CERT1: variants seen among roughly 807,000 people sequenced by gnomAD.
CERT1 encodes ceramide transfer protein.
CERT1 carries 31 observed loss-of-function variants against 87.9 expected under a neutral mutation model. The observed-to-expected ratio is 0.35, with a 90% CI of 0.27 to 0.48. CERT1 has a LOEUF of 0.48. Ranked by LOEUF, CERT1 falls within the 20% of genes least tolerant of loss-of-function variation. The probability of loss-of-function intolerance (pLI) is 0.99; values close to 1 mark genes in which losing one functional copy is unlikely to be tolerated. For synonymous variants in CERT1, 289 were observed against 250.9 expected, an observed-to-expected ratio of 1.15 and a Z score of -1.44; for missense variants, 487 against 758.0, an observed-to-expected ratio of 0.64 and a Z score of 4.20.
At position 75,368,917 on chromosome 5, in the gene CERT1, CT is replaced by C. The variant is rs34199671; in HGVS notation, c.*10-260del. The C allele has an allele frequency of 4.8e-3, 706 of 145,952 alleles. 8 individuals carry two copies. The highest frequency in any genetic ancestry group is 0.029 in the East Asian group (148 of 5,018). The allele number at this position is 145,952 out of a possible 1,614,324, so 9.0% of individuals were successfully genotyped here. ...AGTTGAAAATAACGTAAGTTGAAAA[CT>C]TTTTTTTTTTTGGAGACAGAGTCTT... On this transcript the variant is annotated intron_variant, in intron 17 of 17. Transcript: ENST00000261415.
chr5:75,396,296 A>G (rs191092530), intron 11 of CERT1, among the ~76,000 whole-genome samples: 33 of 152,352 alleles, frequency 2.2e-4, no homozygotes, highest in Middle Eastern at 3.4e-3. Flanking sequence ...TGCTTATATA[A>G]TATTTTGGCA....
At chr5:75,455,943 C>T (rs1183539190) in intron 3 of CERT1, among the ~76,000 whole-genome samples, 2 of 152,154 alleles carry the variant, frequency 1.3e-5, no homozygotes, top group Non-Finnish European at 2.9e-5. Context: ...ACACATAAAG[C>T]ACTTAATACA....
chr5:75,460,434 C>T (rs987788064), intron 2 of CERT1, among the ~76,000 whole-genome samples: 2 of 152,120 alleles, frequency 1.3e-5, no homozygotes, highest in African/African-American at 4.8e-5. Flanking sequence ...AAGGTGTAAA[C>T]ATTTAGTGAA....
chr5:75,388,021 AC>A (rs1284499974), intron 12 of CERT1, among the ~76,000 whole-genome samples: 1 of 152,160 alleles, frequency 6.6e-6, no homozygotes, highest in Non-Finnish European at 1.5e-5. Flanking sequence ...CTGAACGATG[AC>A]TACAGAAGAA....
intron 2 of CERT1, among the ~76,000 whole-genome samples, chr5:75,486,188 G>A (rs1432222532): frequency 2.6e-5 from 4 of 152,124 alleles, no homozygotes; most frequent in African/African-American, 7.2e-5. Context: ...GGGATGCAAG[G>A]ATGGTTCAAC....
chr5:75,492,861 A>C (rs764886506), intron 2 of CERT1, among the ~76,000 whole-genome samples: 8 of 152,220 alleles, frequency 5.3e-5, no homozygotes, highest in Non-Finnish European at 1.0e-4. Context: ...GCTTTAGGAA[A>C]GTGGTTCTCA....
At chr5:75,444,796 C>T (rs558596346) in intron 3 of CERT1, among the ~76,000 whole-genome samples, 126 of 152,162 alleles carry the variant, frequency 8.3e-4, no homozygotes, top group Non-Finnish European at 9.3e-4. Context: ...CTGCCCGCCT[C>T]GGCCTCCTAA....
rs115830414 is a variant in CERT1, at chr5:75,464,918, C to A, written c.232-5737G>T. On this transcript the variant is annotated intron_variant, in intron 2 of 16. Coordinates refer to ENST00000643780, the MANE Select transcript of CERT1 (RefSeq NM_001379029.1). ...AGAATTTTAGGTTCTCTTTCTCTGG[C>A]GCTGTAATTTAGGATTATCTCCTTA... 9.1e-3 allele frequency among the ~76,000 whole-genome samples: 1,381 copies of A among 152,190 alleles called. 19 individuals carry two copies. Among genetic ancestry groups the A allele is most frequent in the African/African-American group, 0.032 (1,310 of 41,542 alleles).
intron 2 of CERT1, among the ~76,000 whole-genome samples, chr5:75,502,235 A>C (rs1237284429): frequency 1.3e-5 from 2 of 152,186 alleles, no homozygotes; most frequent in Non-Finnish European, 2.9e-5. Flanking sequence ...GTGCAATTTA[A>C]AATAATAAGA....
intron 1 of CERT1, among the ~76,000 whole-genome samples, chr5:75,508,766 C>T (rs1398258290): frequency 6.6e-6 from 1 of 151,922 alleles, no homozygotes; most frequent in Non-Finnish European, 1.5e-5. Context: ...TGAATGATGG[C>T]AAAATAAGAA....
intron 3 of CERT1, among the ~76,000 whole-genome samples, chr5:75,429,751 C>G (rs1167144171): frequency 1.3e-5 from 2 of 151,462 alleles, no homozygotes; most frequent in African/African-American, 4.9e-5. Context: ...CAGTTAAGAG[C>G]CCATGGTCAC....
At chr5:75,471,492 G>A (rs1765704498) in intron 2 of CERT1, among the ~76,000 whole-genome samples, 1 of 152,066 alleles carries the variant, frequency 6.6e-6, no homozygotes, top group African/African-American at 2.4e-5. Context: ...CAGACGTGGT[G>A]GCTCATGCCT....
chr5:75,460,148 A>G (rs2112314813), intron 2 of CERT1, among the ~76,000 whole-genome samples: 2 of 152,232 alleles, frequency 1.3e-5, no homozygotes, highest in Middle Eastern at 6.8e-3. Flanking sequence ...TTTAGAGTAG[A>G]CATTTACTAC....
At chr5:75,399,414 C>G in intron 10 of CERT1, 27 bp from the exon 11 acceptor site, 1 of 1,557,588 alleles carries the variant, frequency 6.4e-7, no homozygotes, top group Non-Finnish European at 8.9e-7. Context: ...AAGAAAAAAC[C>G]AAGTAATCAG....
At chr5:75,423,531 G>A (rs1380451608) in intron 5 of CERT1, among the ~76,000 whole-genome samples, 1 of 152,136 alleles carries the variant, frequency 6.6e-6, no homozygotes, top group African/African-American at 2.4e-5. Context: ...CTTGAGGCCA[G>A]GAGTTTAAAG....
At chr5:75,469,154 A>C (rs1388214200) in intron 2 of CERT1, among the ~76,000 whole-genome samples, 1 of 152,220 alleles carries the variant, frequency 6.6e-6, no homozygotes, top group Non-Finnish European at 1.5e-5. Context: ...ACTGGAGCTG[A>C]AAAATACAAT....
At chr5:75,490,990 G>A (rs933555143) in intron 2 of CERT1, among the ~76,000 whole-genome samples, 2 of 151,946 alleles carry the variant, frequency 1.3e-5, no homozygotes, top group Non-Finnish European at 2.9e-5. Context: ...CCCAAGTGTT[G>A]TATATTTTGA....
Position 75,384,725 on chromosome 5 carries a change from G to A in CERT1, c.1418-13C>T, listed in dbSNP as rs1561223064. 2.7e-6 allele frequency: 4 copies of A among 1,503,880 alleles called. No homozygotes were observed. In the Middle Eastern group the frequency reaches 5.1e-4, roughly 192 times the overall value. The allele number at this position is 1,503,880 out of a possible 1,614,324, so 93.2% of individuals were successfully genotyped here. On this transcript the variant is annotated splice_polypyrimidine_tract_variant and intron_variant, in intron 13 of 16. Coordinates refer to ENST00000643780, the MANE Select transcript of CERT1 (RefSeq NM_001379029.1). ...TTTTCTATAGTTGCTGAAATGAAGA[G>A]AATAATAAAAAGATATATTATCTTT...
intron 2 of CERT1, among the ~76,000 whole-genome samples, chr5:75,481,082 A>AAAGTCC (rs1345548488): frequency 6.6e-6 from 1 of 152,184 alleles, no homozygotes; most frequent in African/African-American, 2.4e-5. Flanking sequence ...CATTAAAGTC[A>AAAGTCC]AAGTCCTTAT....
Sources: allele counts gnomAD v4.1 joint callset (sites outside exome capture counted in the v4.1 genomes callset), GRCh38; gene constraint gnomAD v4.1.1; transcripts MANE v1.5; gene names NCBI Gene and HGNC (gene_info 2026-07-23, HGNC 2026-07-21).